The following TMEM108 variants were observed in gnomAD, a reference collection of about 807,000 sequenced individuals.
The protein encoded by TMEM108 is transmembrane protein 108.
In TMEM108, 12 loss-of-function variants were observed where a neutral mutation model predicts 35.1. That is an observed-to-expected ratio of 0.34 (90% confidence interval 0.22 to 0.55). The LOEUF is 0.55. TMEM108 is among the 20% of genes least tolerant of loss of function. TMEM108 has a pLI of 0.89. For missense variants in TMEM108, 680 were observed against 753.3 expected, an observed-to-expected ratio of 0.90 and a Z score of 1.14; for synonymous variants, 287 against 308.6, an observed-to-expected ratio of 0.93 and a Z score of 0.73.
chr3:133,274,239 G>A (rs983505817), intron 3 of TMEM108, among the ~76,000 whole-genome samples: 3 of 152,210 alleles, frequency 2.0e-5, no homozygotes, highest in Non-Finnish European at 4.4e-5. Context: ...CAAGCCTTCT[G>A]ACTTTGGTTT....
chr3:133,054,856 G>T (rs1193607888), intron 2 of TMEM108, among the ~76,000 whole-genome samples: 1 of 152,206 alleles, frequency 6.6e-6, no homozygotes, highest in Non-Finnish European at 1.5e-5. Flanking sequence ...TCAAGTAGCT[G>T]GATCATGGTG....
intron 2 of TMEM108, among the ~76,000 whole-genome samples, chr3:133,065,780 A>G (rs377021322): frequency 2.0e-5 from 3 of 152,260 alleles, no homozygotes; most frequent in South Asian, 2.1e-4. Context: ...GTATGTGCCT[A>G]TTTCTACATA....
At chr3:133,332,606 A>G (rs1262030475) in intron 3 of TMEM108, among the ~76,000 whole-genome samples, 1 of 152,216 alleles carries the variant, frequency 6.6e-6, no homozygotes, top group East Asian at 1.9e-4. Context: ...AATTAGCCTT[A>G]TTAGGAAATG....
intron 2 of TMEM108, among the ~76,000 whole-genome samples, chr3:133,135,146 C>T (rs1488107362): frequency 4.0e-5 from 6 of 149,082 alleles, no homozygotes; most frequent in African/African-American, 1.5e-4. Context: ...TCGAGGTTTT[C>T]ATCTGCTATC....
At position 133,383,661 on chromosome 3, in the gene TMEM108, AT is replaced by A. The variant is rs1366491969; in HGVS notation, c.1450+2501del. The stretch of plus-strand genomic sequence containing the variant: ...GGAAAGCCCATGGGCTGCCTAAACC[AT>A]GCATAAAAATGTCAGCCAAGACAGG... On this transcript the variant is annotated intron_variant, in intron 4 of 5. Transcript: ENST00000321871. Among the ~76,000 whole-genome samples the A allele has an allele frequency of 2.6e-5, 4 of 152,304 alleles. No homozygotes were observed. In the East Asian group the frequency reaches 7.7e-4, roughly 29 times the overall value.
intron 3 of TMEM108, among the ~76,000 whole-genome samples, chr3:133,234,793 A>G (rs1946208843): frequency 6.6e-6 from 1 of 152,132 alleles, no homozygotes; most frequent in Non-Finnish European, 1.5e-5. Context: ...TTCAATTAGG[A>G]AAAGAGGAAG....
intron 2 of TMEM108, among the ~76,000 whole-genome samples, chr3:133,149,512 C>T (rs1944767562): frequency 6.6e-6 from 1 of 152,160 alleles, no homozygotes; most frequent in Non-Finnish European, 1.5e-5. Context: ...CCACATTTTT[C>T]CCAGCCACTG....
chr3:133,288,877 G>A (rs934240961), intron 3 of TMEM108, among the ~76,000 whole-genome samples: 6 of 151,846 alleles, frequency 4.0e-5, no homozygotes, highest in South Asian at 2.1e-4. Flanking sequence ...CTGGGACTAC[G>A]GGTGTGTGCC....
At chr3:133,276,675 G>A (rs1031723977) in intron 3 of TMEM108, among the ~76,000 whole-genome samples, 2 of 152,052 alleles carry the variant, frequency 1.3e-5, no homozygotes, top group Non-Finnish European at 1.5e-5. Context: ...TTAAATATGG[G>A]GTGGGAAGTG....
chr3:133,168,837 C>T (rs985051884), intron 2 of TMEM108, among the ~76,000 whole-genome samples: 5 of 152,140 alleles, frequency 3.3e-5, no homozygotes, highest in African/African-American at 4.8e-5. Flanking sequence ...TGAAGGTTTG[C>T]GGCTTCACTC....
At chr3:133,310,993 G>T (rs1219995441) in intron 3 of TMEM108, among the ~76,000 whole-genome samples, 2 of 152,102 alleles carry the variant, frequency 1.3e-5, no homozygotes, top group African/African-American at 2.4e-5. Flanking sequence ...GCTTAGTTTG[G>T]CTGGATATGA....
At chr3:133,133,521 T>A (rs1456705420) in intron 2 of TMEM108, among the ~76,000 whole-genome samples, 3 of 151,474 alleles carry the variant, frequency 2.0e-5, no homozygotes, top group Non-Finnish European at 4.4e-5. Flanking sequence ...CACTTTATTA[T>A]GGTAGTCTGA....
chr3:133,310,530 C>CTTTTTTT lies in TMEM108; in HGVS notation c.41-69199_41-69193dup, dbSNP rs59215786. On this transcript the variant is annotated intron_variant, in intron 3 of 5. Transcript: ENST00000321871. ...TCAGAGACTAGGATTGCAACCCCTG[C>CTTTTTTT]TTTTTTTTTTTTTTTTTTTTTTTTT... Among the ~76,000 whole-genome samples, 86 of 22,256 alleles carry CTTTTTTT rather than the reference C, an allele frequency of 3.9e-3. 17 individuals carry two copies. The highest frequency in any genetic ancestry group is 4.7e-3 in the Non-Finnish European group (58 of 12,240). 14.6% of individuals were successfully genotyped at this position (22,256 alleles called of 152,430 possible).
intron 2 of TMEM108, among the ~76,000 whole-genome samples, chr3:133,104,072 C>A (rs1331100876): frequency 2.0e-5 from 3 of 152,158 alleles, no homozygotes; most frequent in Non-Finnish European, 4.4e-5. Flanking sequence ...GCAAAGAATT[C>A]AAGGAGAAAG....
At chr3:133,225,265 C>A (rs931181162) in intron 2 of TMEM108, among the ~76,000 whole-genome samples, 1 of 151,994 alleles carries the variant, frequency 6.6e-6, no homozygotes, top group Admixed American at 6.6e-5. Context: ...CCAGGATGGT[C>A]TCGATCTCCT....
chr3:133,156,064 T>TTTTTTTTATTTATTTATTTATTTA (rs1944876805), intron 2 of TMEM108, among the ~76,000 whole-genome samples: 1 of 146,084 alleles, frequency 6.8e-6, no homozygotes, highest in Non-Finnish European at 1.5e-5. Flanking sequence ...TTATTTTTTC[T>TTTTTTTTATTTATTTATTTATTTA]TTTATTTATT....
At chr3:133,271,765 G>A (rs941700879) in intron 3 of TMEM108, among the ~76,000 whole-genome samples, 3 of 152,080 alleles carry the variant, frequency 2.0e-5, no homozygotes, top group Non-Finnish European at 4.4e-5. Flanking sequence ...CTAGAAGCAC[G>A]CTAAGCTTGT....
chr3:133,251,029 A>C (rs897701036), intron 3 of TMEM108, among the ~76,000 whole-genome samples: 11 of 152,120 alleles, frequency 7.2e-5, no homozygotes, highest in African/African-American at 2.7e-4. Context: ...TTTGAGGTTT[A>C]GTTTTTGACT....
At chr3:133,153,170 ACAGT>A (rs1366299439) in intron 2 of TMEM108, among the ~76,000 whole-genome samples, 2 of 152,180 alleles carry the variant, frequency 1.3e-5, no homozygotes, top group Non-Finnish European at 2.9e-5. Flanking sequence ...CATGAGGCTA[ACAGT>A]CAGGAAACTC....
Sources: allele counts gnomAD v4.1 joint callset (sites outside exome capture counted in the v4.1 genomes callset), GRCh38; gene constraint gnomAD v4.1.1; transcripts MANE v1.5; gene names NCBI Gene and HGNC (gene_info 2026-07-23, HGNC 2026-07-21).